NBAS: variants seen among roughly 807,000 people sequenced by gnomAD.
NBAS encodes the protein NBAS subunit of NRZ tethering complex.
A neutral mutation model predicts 302.5 loss-of-function variants in NBAS; 219 were observed. That is an observed-to-expected ratio of 0.72 (90% CI 0.65 to 0.81). The LOEUF (loss-of-function observed/expected upper bound fraction) is 0.81, where lower values mean the gene tolerates loss of function less well. Among genes scored for constraint, NBAS ranks in the 30% least tolerant of loss-of-function variants. The pLI is 0.00. For synonymous variants in NBAS, 1,118 were observed against 1,021.6 expected, an observed-to-expected ratio of 1.09 and a Z score of -1.80; for missense variants, 2,932 against 2,841.6, an observed-to-expected ratio of 1.03 and a Z score of -0.72.
At chr2:14,912,703 TAAAAAAAAAAAAAA>T in the NBAS span, among the ~76,000 whole-genome samples, 3,132 of 78,632 alleles carry the variant, frequency 0.04, 130 homozygotes, top group African/African-American at 0.1. Flanking sequence ...CATTCATTTT[TAAAAAAAAAAAAAA>T]AAAAAAAAAA....
chr2:15,277,521 T>C (rs531432065), intron 42 of NBAS, among the ~76,000 whole-genome samples: 58 of 152,348 alleles, frequency 3.8e-4, no homozygotes, highest in African/African-American at 1.4e-3. Context: ...TTCAGGAATT[T>C]AGGAAATGAT....
At chr2:15,339,933 A>G (rs1311437106) in intron 35 of NBAS, among the ~76,000 whole-genome samples, 3 of 152,136 alleles carry the variant, frequency 2.0e-5, no homozygotes, top group Non-Finnish European at 4.4e-5. Context: ...GGAAAAAAAA[A>G]AAAGCCAATA....
chr2:15,167,997 C>T (rs1294256440), intron 51 of NBAS, among the ~76,000 whole-genome samples: 3 of 152,058 alleles, frequency 2.0e-5, no homozygotes, highest in Admixed American at 6.6e-5. Context: ...ACCAACCTTG[C>T]CTTTTAAAAA....
At chr2:14,962,196 T>A in the NBAS span, among the ~76,000 whole-genome samples, 20 of 152,276 alleles carry the variant, frequency 1.3e-4, 1 homozygote, top group South Asian at 3.7e-3. Context: ...TGTGGGTTGA[T>A]TTAGGGCAGA....
chr2:15,506,589 A>G (rs936781479), intron 10 of NBAS, among the ~76,000 whole-genome samples: 7 of 152,192 alleles, frequency 4.6e-5, no homozygotes, highest in Admixed American at 4.6e-4. Flanking sequence ...AACATAAAAT[A>G]CAAAAACTTA....
At chr2:15,287,799 C>T (rs1670117778) in intron 41 of NBAS, among the ~76,000 whole-genome samples, 2 of 151,794 alleles carry the variant, frequency 1.3e-5, no homozygotes, top group Non-Finnish European at 2.9e-5. Flanking sequence ...ATCCTGAGCA[C>T]CCCGTGTAGG....
chr2:15,062,169 T>G, the NBAS span, among the ~76,000 whole-genome samples: 1 of 152,210 alleles, frequency 6.6e-6, no homozygotes, highest in Non-Finnish European at 1.5e-5. Flanking sequence ...GCTGTGTTAC[T>G]GCTGCCTGGT....
chr2:14,957,577 C>G, the NBAS span, among the ~76,000 whole-genome samples: 1 of 152,166 alleles, frequency 6.6e-6, no homozygotes. Flanking sequence ...ATTTCAAACT[C>G]TCCTTGGGGA....
chr2:14,781,786 C>T, the NBAS span, among the ~76,000 whole-genome samples: 3 of 151,162 alleles, frequency 2.0e-5, no homozygotes, highest in African/African-American at 4.9e-5. Flanking sequence ...TTTAATATCC[C>T]CATCCTTTAA....
At chr2:14,797,573 C>T in the NBAS span, among the ~76,000 whole-genome samples, 1 of 152,286 alleles carries the variant, frequency 6.6e-6, no homozygotes, top group African/African-American at 2.4e-5. Context: ...GCCACTGCAT[C>T]CCCCTCATCT....
At chr2:15,361,263 A>G (rs1179755308) in intron 32 of NBAS, among the ~76,000 whole-genome samples, 2 of 152,212 alleles carry the variant, frequency 1.3e-5, no homozygotes, top group Non-Finnish European at 2.9e-5. Context: ...CTGTAATCCT[A>G]GCATTTTGGG....
chr2:15,307,782 C>A (rs1318071406), intron 40 of NBAS, among the ~76,000 whole-genome samples: 1 of 151,838 alleles, frequency 6.6e-6, no homozygotes, highest in Non-Finnish European at 1.5e-5. Context: ...TCTGTCCGTA[C>A]AACTGACTAC....
intron 21 of NBAS, among the ~76,000 whole-genome samples, chr2:15,446,715 G>C (rs1228089424): frequency 6.6e-6 from 1 of 152,094 alleles, no homozygotes; most frequent in Non-Finnish European, 1.5e-5. Context: ...CATAACACAT[G>C]CTTGTAAAAG....
At chr2:15,527,734 T>G (rs1410602627) in intron 9 of NBAS, among the ~76,000 whole-genome samples, 2 of 152,136 alleles carry the variant, frequency 1.3e-5, no homozygotes, top group African/African-American at 2.4e-5. Context: ...GCAGGATATA[T>G]TCATCAAAAT....
chr2:14,874,992 G>T, the NBAS span, among the ~76,000 whole-genome samples: 3 of 151,394 alleles, frequency 2.0e-5, no homozygotes, highest in Non-Finnish European at 4.4e-5. Flanking sequence ...AAATAGAAAG[G>T]ACTTCTTATT....
the NBAS span, among the ~76,000 whole-genome samples, chr2:15,025,561 A>G: frequency 6.6e-6 from 1 of 152,154 alleles, no homozygotes; most frequent in South Asian, 2.1e-4. Flanking sequence ...GGTAATATGG[A>G]CATTTTAACT....
In NBAS at chr2:15,327,706, C is replaced by G. The variant is rs777022634; in HGVS notation, c.4582+44G>C. ...ACAAATTTTTGGTTAACAATGTTCACCTAGAGTTACACACTGTCAAGGGAC... is the reference window on the plus strand; with the variant it reads ...ACAAATTTTTGGTTAACAATGTTCAGCTAGAGTTACACACTGTCAAGGGAC... On this transcript the variant is annotated intron_variant, in intron 38 of 51. Coordinates refer to ENST00000281513, the MANE Select transcript of NBAS (RefSeq NM_015909.4). 3 of 1,611,818 alleles carry G rather than the reference C, an allele frequency of 1.9e-6. No individual in the cohort carries two copies. In the South Asian group the frequency reaches 3.3e-5, roughly 18 times the overall value.
At chr2:15,512,806 C>T (rs1662207733) in intron 9 of NBAS, among the ~76,000 whole-genome samples, 1 of 152,092 alleles carries the variant, frequency 6.6e-6, no homozygotes, top group Non-Finnish European at 1.5e-5. Flanking sequence ...CCAGTGAGAC[C>T]CATTTCAGAC....
At chr2:15,288,429 C>G (rs1014999970) in intron 41 of NBAS, among the ~76,000 whole-genome samples, 1 of 152,114 alleles carries the variant, frequency 6.6e-6, no homozygotes, top group Non-Finnish European at 1.5e-5. Flanking sequence ...GGGAGAAGAG[C>G]CTTCTGAGAG....
Sources: gnomAD v4.1 joint callset for allele counts (sites outside exome capture counted in the v4.1 genomes callset) on GRCh38, gnomAD v4.1.1 for gene constraint, MANE v1.5 for transcripts, NCBI Gene and HGNC (gene_info 2026-07-23, HGNC 2026-07-21) for gene names.